The following CGGBP1 variants were observed in gnomAD, a reference collection of about 807,000 sequenced individuals.
CGGBP1 encodes the protein CGG triplet repeat-binding protein 1.
A neutral mutation model predicts 11.4 loss-of-function variants in CGGBP1; 4 were observed. The ratio of observed to expected loss-of-function variants is 0.35; its 90% CI spans 0.17 to 0.80. CGGBP1 has a LOEUF of 0.80. Ranked by LOEUF, CGGBP1 falls within the 30% of genes least tolerant of loss-of-function variation. The pLI is 0.52. For synonymous variants in CGGBP1, 76 were observed against 74.1 expected (o/e 1.03, Z -0.13); for missense variants, 135 against 202.1 (o/e 0.67, Z 2.01).
At position 88,089,775 on chromosome 3, in the gene CGGBP1, A is replaced by G. The variant is rs554425096; in HGVS notation, c.-228-31552T>C. On this transcript the variant is annotated intron_variant, in intron 2 of 3. Transcript: ENST00000462901. ...GAAGAACTCTGGTCAGACCTGAGTT[A>G]TGTTCCTACTGCTTAGATTAATCAC... 3.3e-5 allele frequency among the ~76,000 whole-genome samples: 5 copies of G among 152,340 alleles called. No homozygotes were observed. The South Asian group carries it at 1.0e-3, about 32-fold the overall frequency.
chr3:88,090,821 A>G (rs922806748), intron 2 of CGGBP1, among the ~76,000 whole-genome samples: 6 of 152,182 alleles, frequency 3.9e-5, no homozygotes, highest in African/African-American at 1.2e-4. Context: ...GTCTTGGCCC[A>G]TACATAAAAT....
At chr3:88,106,442 G>A (rs4568164) in intron 2 of CGGBP1, among the ~76,000 whole-genome samples, 119,047 of 151,838 alleles carry the variant, frequency 0.78, 47,556 homozygotes, top group South Asian at 0.91. Context: ...GGTTCAAGCA[G>A]TTCTCCTGCC....
intron 2 of CGGBP1, among the ~76,000 whole-genome samples, chr3:88,081,418 A>G (rs1559696766): frequency 6.6e-6 from 1 of 152,074 alleles, no homozygotes; most frequent in African/African-American, 2.4e-5. Flanking sequence ...TTCACTCACT[A>G]TTAGCATCGA....
intron 2 of CGGBP1, among the ~76,000 whole-genome samples, chr3:88,131,793 C>G (rs1178665352): frequency 6.6e-6 from 1 of 151,994 alleles, no homozygotes; most frequent in Non-Finnish European, 1.5e-5. Flanking sequence ...TGTTAAGGTC[C>G]CTTTTCTTCC....
upstream of CGGBP1, chr3:88,059,107 G>C (rs1289550667): frequency 4.9e-5 from 44 of 889,886 alleles, no homozygotes; most frequent in East Asian, 1.2e-3. Context: ...GTAGTGGAAA[G>C]GCGGGCATGA....
At position 88,129,650 on chromosome 3, in the gene CGGBP1, T is replaced by C. The variant is rs749259498; in HGVS notation, c.-229+11320A>G. The C allele has an allele frequency of 7.4e-6, 10 of 1,353,948 alleles. No homozygotes were observed. The Middle Eastern group carries it at 1.2e-3, about 167-fold the overall frequency. The allele number at this position is 1,353,948 out of a possible 1,614,324, so 83.9% of individuals were successfully genotyped here. On this transcript the variant is annotated intron_variant, in intron 2 of 3. Transcript: ENST00000462901. Reference sequence around the variant, plus strand: ...ATTGCAACTAGCTTCTTAGATATTTTTAATTATATGAACTGATTTCTCTTT... The same window carrying C: ...ATTGCAACTAGCTTCTTAGATATTTCTAATTATATGAACTGATTTCTCTTT...
upstream of CGGBP1, chr3:88,059,452 T>TGCG (rs1188970230): frequency 5.5e-5 from 84 of 1,519,128 alleles, no homozygotes; most frequent in Non-Finnish European, 7.2e-5. Context: ...CAGCGGCAAC[T>TGCG]GCGGCGGCGG....
chr3:88,089,193 A>T (rs1268984961), intron 2 of CGGBP1, among the ~76,000 whole-genome samples: 59 of 9,210 alleles, frequency 6.4e-3, no homozygotes, highest in Non-Finnish European at 0.026. Flanking sequence ...TTACGTATTA[A>T]AAAAAAAAAA....
At chr3:88,139,198 C>G in intron 2 of CGGBP1, 1 of 1,454,910 alleles carries the variant, frequency 6.9e-7, no homozygotes, top group Non-Finnish European at 9.0e-7. Context: ...ACTGGAGAGA[C>G]TGATCCTGAT....
chr3:88,064,758 A>G (rs894379510), intron 2 of CGGBP1, among the ~76,000 whole-genome samples: 2 of 152,180 alleles, frequency 1.3e-5, no homozygotes, highest in African/African-American at 2.4e-5. Flanking sequence ...TTAAAACACA[A>G]ATATTTTTAC....
intron 2 of CGGBP1, among the ~76,000 whole-genome samples, chr3:88,068,046 G>C (rs986883791): frequency 6.6e-6 from 1 of 152,094 alleles, no homozygotes; most frequent in African/African-American, 2.4e-5. Context: ...CAAGTGGAGG[G>C]GTGTTGCTTT....
At position 88,127,551 on chromosome 3, in the gene CGGBP1, A is replaced by G. The variant is rs532397529; in HGVS notation, c.-229+13419T>C. On this transcript the variant is annotated intron_variant, in intron 2 of 3. Coordinates refer to the CGGBP1 transcript ENST00000462901. The stretch of plus-strand genomic sequence containing the variant: ...AGGGAAGGCAAGGGTGACAGACTAG[A>G]GGAAATTATGAGGAGACTGCATGTG... Among the ~76,000 whole-genome samples the G allele has an allele frequency of 2.0e-5, 3 of 152,270 alleles. No homozygotes were observed. In the East Asian group the frequency reaches 5.8e-4, roughly 29 times the overall value.
chr3:88,071,136 G>T (rs751772217), intron 2 of CGGBP1, among the ~76,000 whole-genome samples: 2 of 151,980 alleles, frequency 1.3e-5, no homozygotes, highest in African/African-American at 4.8e-5. Flanking sequence ...TTCCTTCCTG[G>T]CATCTAAAAC....
chr3:88,140,845 G>A (rs1303285878), intron 2 of CGGBP1: 5 of 1,613,410 alleles, frequency 3.1e-6, no homozygotes, highest in African/African-American at 1.3e-5. Context: ...CTTGATGAAC[G>A]GTATCTTAGT....
chr3:88,082,026 A>G (rs1576227471), intron 2 of CGGBP1, among the ~76,000 whole-genome samples: 2 of 152,304 alleles, frequency 1.3e-5, no homozygotes, highest in East Asian at 3.9e-4. Context: ...CACAGATTGT[A>G]TTAGTCTGCG....
chr3:88,063,422 A>G (rs1241138316), upstream of CGGBP1, among the ~76,000 whole-genome samples: 3 of 152,164 alleles, frequency 2.0e-5, no homozygotes, highest in Non-Finnish European at 4.4e-5. Context: ...CAGAAAAGAG[A>G]GTTTGTCCCA....
intron 2 of CGGBP1, among the ~76,000 whole-genome samples, chr3:88,107,494 A>T (rs535506880): frequency 6.6e-6 from 1 of 151,968 alleles, no homozygotes; most frequent in African/African-American, 2.4e-5. Context: ...ATTTATCTCT[A>T]TTGGCATTTT....
chr3:88,103,631 G>A (rs1183941328), intron 2 of CGGBP1, among the ~76,000 whole-genome samples: 4 of 151,944 alleles, frequency 2.6e-5, no homozygotes, highest in African/African-American at 9.7e-5. Context: ...GTAGGTGAAA[G>A]TAACAAGAGA....
At chr3:88,089,220 G>C (rs894656352) in intron 2 of CGGBP1, among the ~76,000 whole-genome samples, 1 of 150,094 alleles carries the variant, frequency 6.7e-6, no homozygotes, top group Admixed American at 6.6e-5. Context: ...GCCCGGGTGC[G>C]GTGGCTCACG....
Sources: allele counts gnomAD v4.1 joint callset (sites outside exome capture counted in the v4.1 genomes callset), GRCh38; gene constraint gnomAD v4.1.1; transcripts MANE v1.5; gene names NCBI Gene and HGNC (gene_info 2026-07-23, HGNC 2026-07-21).